Variants in STIM2 observed in about 807,000 individuals in gnomAD.
STIM2 encodes stromal interaction molecule 2.
In STIM2, 31 loss-of-function variants were observed where a neutral mutation model predicts 85.8. The ratio of observed to expected loss-of-function variants is 0.36; its 90% CI spans 0.27 to 0.49. The LOEUF (loss-of-function observed/expected upper bound fraction) is 0.49. STIM2 is among the 20% of genes least tolerant of loss of function. STIM2 has a pLI of 0.98. For synonymous variants in STIM2, 356 were observed against 331.1 expected, an observed-to-expected ratio of 1.08 and a Z score of -0.82; for missense variants, 841 against 927.6, an observed-to-expected ratio of 0.91 and a Z score of 1.21.
chr4:26,919,034 C>T (rs192837182), intron 1 of STIM2, among the ~76,000 whole-genome samples: 78 of 151,898 alleles, frequency 5.1e-4, no homozygotes, highest in African/African-American at 1.8e-3. Flanking sequence ...TTTTACATTT[C>T]CTTTCCCTTT....
At chr4:26,967,048 A>G (rs962196606) in intron 3 of STIM2, among the ~76,000 whole-genome samples, 9 of 152,210 alleles carry the variant, frequency 5.9e-5, no homozygotes, top group Non-Finnish European at 8.8e-5. Context: ...TTTTGATTTC[A>G]GTGTTTTAAT....
Position 26,995,493 on chromosome 4 carries a change from G to A in STIM2, c.509+3G>A, listed in dbSNP as rs748006545. 2 of 1,570,442 alleles carry A rather than the reference G, an allele frequency of 1.3e-6. No homozygotes were observed. Among genetic ancestry groups the A allele is most frequent in the East Asian group, 2.3e-5 (1 of 43,196 alleles). On this transcript the variant is annotated splice_donor_region_variant and intron_variant, in intron 4 of 11. Coordinates refer to ENST00000467087, the MANE Select transcript of STIM2 (RefSeq NM_020860.4). ...GTCAAAGGAACGACACTTCCCAGGT[G>A]AGTCTTTGTTATGCAAATGTATTTT...
intron 3 of STIM2, among the ~76,000 whole-genome samples, chr4:26,960,395 A>G (rs1202286814): frequency 1.3e-5 from 2 of 152,158 alleles, no homozygotes; most frequent in Non-Finnish European, 2.9e-5. Flanking sequence ...ATATGTATAT[A>G]TAAAACACAC....
At chr4:26,956,991 T>C (rs1254520133) in intron 2 of STIM2, among the ~76,000 whole-genome samples, 1 of 152,130 alleles carries the variant, frequency 6.6e-6, no homozygotes, top group Admixed American at 6.6e-5. Context: ...TGGACAGATA[T>C]ACAGTGGTCC....
chr4:26,874,618 TAAAA>T (rs1440900995), intron 1 of STIM2, among the ~76,000 whole-genome samples: 2 of 152,306 alleles, frequency 1.3e-5, no homozygotes, highest in East Asian at 3.9e-4. Context: ...TTTAGGGAAA[TAAAA>T]GAATGGGATT....
intron 1 of STIM2, among the ~76,000 whole-genome samples, chr4:26,884,198 G>A (rs1216288841): frequency 6.6e-6 from 1 of 152,150 alleles, no homozygotes; most frequent in East Asian, 1.9e-4. Context: ...CTTCGATGTG[G>A]GAGACTGTGT....
chr4:26,966,232 C>T (rs1057507121), intron 3 of STIM2, among the ~76,000 whole-genome samples: 2 of 152,082 alleles, frequency 1.3e-5, no homozygotes, highest in Non-Finnish European at 2.9e-5. Flanking sequence ...GTCCTTTCTA[C>T]CCTTTTCCTA....
chr4:27,011,332 G>C (rs918389297), intron 10 of STIM2, among the ~76,000 whole-genome samples: 1 of 152,140 alleles, frequency 6.6e-6, no homozygotes, highest in Non-Finnish European at 1.5e-5. Context: ...TGCTTAATGA[G>C]TTAACCATAA....
At chr4:26,869,641 G>C (rs572111339) in intron 1 of STIM2, among the ~76,000 whole-genome samples, 1 of 151,806 alleles carries the variant, frequency 6.6e-6, no homozygotes, top group Non-Finnish European at 1.5e-5. Context: ...CAATCTTCCC[G>C]CCTTAGCCTC....
intron 1 of STIM2, among the ~76,000 whole-genome samples, chr4:26,894,332 A>C (rs1315749993): frequency 6.6e-6 from 1 of 152,154 alleles, no homozygotes; most frequent in African/African-American, 2.4e-5. Context: ...TGCCAAATTA[A>C]CTGGATTTTC....
At chr4:27,010,431 A>C in intron 10 of STIM2, among the ~76,000 whole-genome samples, 1 of 152,168 alleles carries the variant, frequency 6.6e-6, no homozygotes, top group East Asian at 1.9e-4. Context: ...GCGACAGAGC[A>C]AGACTCAGTC....
In STIM2 at chr4:27,017,736, A is replaced by G; in HGVS notation, c.1515A>G (p.Ser505=). ...GGACCATGGCTAAACCTCCTGGATC[A>G]TTAGCCAGAAGCAGCAGCCTGTGCC... Residue 505 remains serine (S), a synonymous_variant, in exon 11 of 12, where the codon TCA becomes TCG. Transcript: ENST00000467087. 1 of 1,614,120 alleles carries G rather than the reference A, an allele frequency of 6.2e-7. No individual in the cohort carries two copies. Among genetic ancestry groups the G allele is most frequent in the Non-Finnish European group, 8.5e-7 (1 of 1,180,012 alleles).
chr4:26,955,598 C>A (rs1433557118), intron 2 of STIM2, among the ~76,000 whole-genome samples: 1 of 148,244 alleles, frequency 6.7e-6, no homozygotes, highest in East Asian at 1.9e-4. Context: ...TTGTAGCATT[C>A]AGGCAGGCCC....
At chr4:26,919,084 G>T (rs1462766229) in intron 1 of STIM2, among the ~76,000 whole-genome samples, 1 of 150,684 alleles carries the variant, frequency 6.6e-6, no homozygotes, top group Non-Finnish European at 1.5e-5. Context: ...GATTAAACTG[G>T]ATTGTGCAAA....
At position 27,002,354 on chromosome 4, in the gene STIM2, T is replaced by C; in HGVS notation, c.763T>C (p.Leu255=). 1 of 1,612,722 alleles carries C rather than the reference T, an allele frequency of 6.2e-7. No individual in the cohort carries two copies. The highest frequency in any genetic ancestry group is 8.5e-7 in the Non-Finnish European group (1 of 1,179,628). ...AAAAATGATGAAAGATTTAGAGAGC[T>C]TACAAACTGCAGAGCAAAGTCTAAT... Residue 255 remains leucine, a synonymous_variant, in exon 6 of 12, where the codon TTA becomes CTA. Coordinates refer to ENST00000467087, the MANE Select transcript of STIM2 (RefSeq NM_020860.4).
chr4:26,929,413 T>C (rs1725116588), intron 2 of STIM2, among the ~76,000 whole-genome samples: 1 of 152,128 alleles, frequency 6.6e-6, no homozygotes, highest in South Asian at 2.1e-4. Flanking sequence ...AAATAAGCAA[T>C]AATTATTTTA....
intron 7 of STIM2, 144 bp from the exon 8 acceptor site, chr4:27,007,389 T>C (rs1728400677): frequency 2.0e-6 from 1 of 508,974 alleles, no homozygotes; most frequent in Non-Finnish European, 3.3e-6. Flanking sequence ...ATCTACTGTA[T>C]TTAGACTTTG....
At chr4:27,000,180 A>G (rs1031163535) in intron 5 of STIM2, among the ~76,000 whole-genome samples, 26 of 152,132 alleles carry the variant, frequency 1.7e-4, no homozygotes, top group East Asian at 1.9e-4. Context: ...TCAGGTTTCT[A>G]TGATACCATC....
chr4:26,909,845 A>C (rs922701822), intron 1 of STIM2, among the ~76,000 whole-genome samples: 35 of 152,334 alleles, frequency 2.3e-4, no homozygotes, highest in African/African-American at 8.2e-4. Context: ...CTCTGTGCTC[A>C]TAACGTGGTT....
Sources: allele counts gnomAD v4.1 joint callset (sites outside exome capture counted in the v4.1 genomes callset), GRCh38; gene constraint gnomAD v4.1.1; transcripts MANE v1.5; gene names NCBI Gene and HGNC (gene_info 2026-07-23, HGNC 2026-07-21).